The following LRRC4C variants were observed in gnomAD, a reference collection of about 807,000 sequenced individuals.
LRRC4C encodes the protein leucine rich repeat containing 4C.
Under a neutral mutation model 33.6 loss-of-function variants are expected in LRRC4C, and 5 were observed. That is an observed-to-expected ratio of 0.15 (90% CI 0.08 to 0.31). The LOEUF is 0.31. LRRC4C is among the 10% of genes least tolerant of loss of function. The pLI, the probability that LRRC4C is intolerant of heterozygous loss-of-function variation, is 1.00. For synonymous variants in LRRC4C, 329 were observed against 302.0 expected (o/e 1.09, Z -0.93); for missense variants, 560 against 796.7 (o/e 0.70, Z 3.58).
intron 2 of LRRC4C, among the ~76,000 whole-genome samples, chr11:40,782,018 T>C (rs571767812): frequency 3.9e-5 from 6 of 152,312 alleles, no homozygotes; most frequent in African/African-American, 1.4e-4. Context: ...GCATTATTGA[T>C]TTACAATCCC....
chr11:40,768,225 G>T (rs1315357356), intron 2 of LRRC4C, among the ~76,000 whole-genome samples: 1 of 151,848 alleles, frequency 6.6e-6, no homozygotes, highest in East Asian at 1.9e-4. Context: ...AGAAAAAATG[G>T]ATAATTTCCT....
chr11:41,183,138 T>G (rs1945528585), intron 1 of LRRC4C, among the ~76,000 whole-genome samples: 1 of 152,068 alleles, frequency 6.6e-6, no homozygotes, highest in Non-Finnish European at 1.5e-5. Flanking sequence ...AAGATGAGAT[T>G]TGGCTGGGGA....
intron 1 of LRRC4C, among the ~76,000 whole-genome samples, chr11:41,117,367 T>C (rs1011000884): frequency 6.6e-6 from 1 of 152,156 alleles, no homozygotes; most frequent in Non-Finnish European, 1.5e-5. Flanking sequence ...AGTATCAACA[T>C]AACAAAATAC....
intron 1 of LRRC4C, among the ~76,000 whole-genome samples, chr11:41,404,175 T>C (rs1954130131): frequency 6.6e-6 from 1 of 152,056 alleles, no homozygotes; most frequent in African/African-American, 2.4e-5. Flanking sequence ...TGGATGCTTG[T>C]TTGATTAATG....
intron 1 of LRRC4C, among the ~76,000 whole-genome samples, chr11:41,056,534 C>A (rs1433254741): frequency 6.6e-6 from 1 of 152,092 alleles, no homozygotes; most frequent in East Asian, 1.9e-4. Flanking sequence ...GGTCAAATAT[C>A]CAGAATCTAT....
chr11:41,077,940 A>G (rs1016743533), intron 1 of LRRC4C, among the ~76,000 whole-genome samples: 6 of 152,184 alleles, frequency 3.9e-5, no homozygotes. Context: ...TTTGTTGCTT[A>G]GAAATTTCTT....
chr11:40,229,920 A>C (rs1002792552), intron 5 of LRRC4C, among the ~76,000 whole-genome samples: 1 of 152,218 alleles, frequency 6.6e-6, no homozygotes, highest in African/African-American at 2.4e-5. Flanking sequence ...ATCAGAGCTA[A>C]TTTATGATAT....
intron 2 of LRRC4C, among the ~76,000 whole-genome samples, chr11:40,852,271 A>G (rs1565134685): frequency 6.6e-6 from 1 of 152,132 alleles, no homozygotes; most frequent in Non-Finnish European, 1.5e-5. Context: ...TATGTATGAC[A>G]GGATCTGGTC....
At chr11:41,337,823 C>A (rs1951504109) in intron 1 of LRRC4C, among the ~76,000 whole-genome samples, 1 of 151,982 alleles carries the variant, frequency 6.6e-6, no homozygotes, top group Non-Finnish European at 1.5e-5. Flanking sequence ...TTAGAAGGAA[C>A]TTAAACAAAT....
chr11:40,667,481 T>G (rs1420249696), intron 2 of LRRC4C, among the ~76,000 whole-genome samples: 1 of 152,192 alleles, frequency 6.6e-6, no homozygotes, highest in Non-Finnish European at 1.5e-5. Context: ...AATCTGCAAC[T>G]TGTTTCTAGT....
At chr11:40,500,783 C>T (rs1278230863) in intron 3 of LRRC4C, among the ~76,000 whole-genome samples, 1 of 152,010 alleles carries the variant, frequency 6.6e-6, no homozygotes, top group African/African-American at 2.4e-5. Context: ...ACACCTTGCC[C>T]CTGCCAAATC....
chr11:41,136,032 A>G (rs1943244855), intron 1 of LRRC4C, among the ~76,000 whole-genome samples: 1 of 152,080 alleles, frequency 6.6e-6, no homozygotes, highest in African/African-American at 2.4e-5. Flanking sequence ...TCATCCATCA[A>G]TCTAGCCATT....
chr11:41,139,887 G>GA (rs1183022960), intron 1 of LRRC4C, among the ~76,000 whole-genome samples: 2 of 152,124 alleles, frequency 1.3e-5, no homozygotes, highest in African/African-American at 4.8e-5. Context: ...CACTGTGGCT[G>GA]AAGGAAGCAT....
At chr11:40,165,336 G>A (rs1859498229) in intron 5 of LRRC4C, among the ~76,000 whole-genome samples, 2 of 152,090 alleles carry the variant, frequency 1.3e-5, no homozygotes, top group African/African-American at 4.8e-5. Flanking sequence ...GTGTATGTGT[G>A]TTGTGGGAGT....
intron 2 of LRRC4C, among the ~76,000 whole-genome samples, chr11:40,683,490 G>A (rs543780461): frequency 1.4e-3 from 219 of 152,052 alleles, no homozygotes; most frequent in African/African-American, 4.5e-3. Context: ...ACAGATGCTC[G>A]GAAATGATGG....
intron 1 of LRRC4C, among the ~76,000 whole-genome samples, chr11:41,370,948 C>A (rs1348713222): frequency 1.3e-5 from 2 of 152,192 alleles, no homozygotes; most frequent in Non-Finnish European, 2.9e-5. Flanking sequence ...GAATGTTAGT[C>A]TTGCTACTCA....
At chr11:40,798,025 A>G (rs1245541203) in intron 2 of LRRC4C, among the ~76,000 whole-genome samples, 1 of 152,204 alleles carries the variant, frequency 6.6e-6, no homozygotes, top group South Asian at 2.1e-4. Flanking sequence ...TTGAACAGTT[A>G]TATTCCTATT....
At chr11:40,820,710 A>T (rs1337481983) in intron 2 of LRRC4C, among the ~76,000 whole-genome samples, 1 of 151,868 alleles carries the variant, frequency 6.6e-6, no homozygotes, top group Non-Finnish European at 1.5e-5. Context: ...GACAATAAGC[A>T]TTTACAAACC....
chr11:40,899,516 C>G (rs544833045), intron 2 of LRRC4C, among the ~76,000 whole-genome samples: 50 of 152,204 alleles, frequency 3.3e-4, no homozygotes, highest in Non-Finnish European at 5.3e-4. Flanking sequence ...TTTTTTTAAA[C>G]AGCTAGCACA....
Sources: gnomAD v4.1 joint callset for allele counts (sites outside exome capture counted in the v4.1 genomes callset) on GRCh38, gnomAD v4.1.1 for gene constraint, MANE v1.5 for transcripts, NCBI Gene and HGNC (gene_info 2026-07-23, HGNC 2026-07-21) for gene names.